CDH13: variants seen among roughly 807,000 people sequenced by gnomAD.
CDH13 encodes cadherin 13, also known as cadherin-13.
Under a neutral mutation model 63.8 loss-of-function variants are expected in CDH13, and 24 were observed. The ratio of observed to expected loss-of-function variants is 0.38; its 90% confidence interval spans 0.27 to 0.53. CDH13 has a LOEUF of 0.53. Among genes scored for constraint, CDH13 ranks in the 20% least tolerant of loss-of-function variants. CDH13 has a pLI of 0.85. For missense variants in CDH13, 1,049 were observed against 903.1 expected (o/e 1.16, Z -2.07); for synonymous variants, 503 against 355.3 (o/e 1.42, Z -4.67).
intron 5 of CDH13, among the ~76,000 whole-genome samples, chr16:83,266,714 C>T (rs1008734138): frequency 6.6e-6 from 1 of 152,174 alleles, no homozygotes; most frequent in Admixed American, 6.5e-5. Context: ...TGTTAAGGTT[C>T]ACAGCACAAC....
intron 5 of CDH13, among the ~76,000 whole-genome samples, chr16:83,299,290 A>C (rs1181291109): frequency 1.1e-3 from 9 of 7,896 alleles, no homozygotes; most frequent in African/African-American, 3.9e-3. Flanking sequence ...TTATCAGGCC[A>C]TGAAAAAAAA....
intron 1 of CDH13, among the ~76,000 whole-genome samples, chr16:82,658,138 T>C (rs1678787183): frequency 6.6e-6 from 1 of 152,222 alleles, no homozygotes; most frequent in Middle Eastern, 3.2e-3. Context: ...TGCCAAGTGC[T>C]TTTTCTGCAT....
intron 8 of CDH13, among the ~76,000 whole-genome samples, chr16:83,621,900 C>G (rs1844627364): frequency 6.6e-6 from 1 of 152,138 alleles, no homozygotes; most frequent in Non-Finnish European, 1.5e-5. Flanking sequence ...TCAAGTTACC[C>G]TCTGTCCCTC....
intron 1 of CDH13, among the ~76,000 whole-genome samples, chr16:82,642,086 G>T (rs1348295989): frequency 8.7e-6 from 1 of 115,310 alleles, no homozygotes; most frequent in Non-Finnish European, 1.8e-5. Flanking sequence ...ACAGCTCATG[G>T]AGGGCAAAAA....
intron 8 of CDH13, among the ~76,000 whole-genome samples, chr16:83,619,524 T>C (rs903012687): frequency 2.0e-5 from 3 of 152,154 alleles, no homozygotes; most frequent in Non-Finnish European, 4.4e-5. Context: ...ACTGGCAGGG[T>C]TGGTTCCTTT....
At position 82,674,098 on chromosome 16, in the gene CDH13, G is replaced by T. The variant is rs552706154; in HGVS notation, c.45+46961G>T. 1.8e-3 allele frequency among the ~76,000 whole-genome samples: 279 copies of T among 152,288 alleles called. 1 individual carries two copies. The highest frequency in any genetic ancestry group is 3.2e-3 in the Non-Finnish European group (215 of 68,028). ...CCCATTTAAGAACGTACATTTGAAGGTGCAGTCTTGAAATTCTTGATATGG... is the reference window on the plus strand; with the variant it reads ...CCCATTTAAGAACGTACATTTGAAGTTGCAGTCTTGAAATTCTTGATATGG... On this transcript the variant is annotated intron_variant, in intron 1 of 13. Coordinates refer to ENST00000567109, the MANE Select transcript of CDH13 (RefSeq NM_001257.5).
At chr16:83,513,471 C>A (rs1400712169) in intron 7 of CDH13, among the ~76,000 whole-genome samples, 1 of 151,382 alleles carries the variant, frequency 6.6e-6, no homozygotes, top group Non-Finnish European at 1.5e-5. Flanking sequence ...TTACCCTAGA[C>A]TGAATAATTT....
chr16:83,036,349 C>T (rs919253684), intron 3 of CDH13, among the ~76,000 whole-genome samples: 6 of 151,788 alleles, frequency 4.0e-5, no homozygotes, highest in Middle Eastern at 3.2e-3. Flanking sequence ...GGGATTTCAC[C>T]GTGTTGGCCA....
chr16:83,724,288 A>G (rs1443305524), intron 10 of CDH13, among the ~76,000 whole-genome samples: 2,159 of 71,056 alleles, frequency 0.03, no homozygotes, highest in African/African-American at 0.048. Context: ...ATGCATGGGT[A>G]GGTGATGAAT....
intron 6 of CDH13, among the ~76,000 whole-genome samples, chr16:83,370,724 T>C (rs1257895231): frequency 1.3e-5 from 2 of 152,234 alleles, no homozygotes; most frequent in African/African-American, 4.8e-5. Context: ...CATGTGGCAA[T>C]TGGTTTTCCA....
chr16:82,799,201 T>C (rs1488088946), intron 1 of CDH13, among the ~76,000 whole-genome samples: 1 of 152,210 alleles, frequency 6.6e-6, no homozygotes, highest in Non-Finnish European at 1.5e-5. Flanking sequence ...TGACGTTAGA[T>C]AGTGATCAAA....
At chr16:82,677,299 C>A (rs1914041187) in intron 1 of CDH13, among the ~76,000 whole-genome samples, 1 of 152,190 alleles carries the variant, frequency 6.6e-6, no homozygotes, top group Non-Finnish European at 1.5e-5. Flanking sequence ...CAGTCTAGAT[C>A]TGATACCCCT....
chr16:82,822,584 C>T (rs2038055039), intron 1 of CDH13, among the ~76,000 whole-genome samples: 1 of 152,162 alleles, frequency 6.6e-6, no homozygotes, highest in Non-Finnish European at 1.5e-5. Flanking sequence ...GTAGCCTTCA[C>T]CTTCTGCTCA....
At chr16:83,145,432 C>A (rs557495394) in intron 4 of CDH13, among the ~76,000 whole-genome samples, 4 of 152,164 alleles carry the variant, frequency 2.6e-5, no homozygotes, top group African/African-American at 7.2e-5. Flanking sequence ...AGTTACCATG[C>A]CAGAAGTGTT....
chr16:82,669,751 C>T (rs1269540248), intron 1 of CDH13, among the ~76,000 whole-genome samples: 1 of 152,136 alleles, frequency 6.6e-6, no homozygotes, highest in South Asian at 2.1e-4. Flanking sequence ...TGGACGGAAC[C>T]ATTTGCTCCC....
chr16:82,817,745 C>G (rs765713737), intron 1 of CDH13, among the ~76,000 whole-genome samples: 1 of 152,128 alleles, frequency 6.6e-6, no homozygotes, highest in Non-Finnish European at 1.5e-5. Flanking sequence ...GCAGAGGTTG[C>G]TGTAAGCCAC....
chr16:83,030,788 A>G (rs1169438957), intron 2 of CDH13, among the ~76,000 whole-genome samples: 1 of 151,992 alleles, frequency 6.6e-6, no homozygotes, highest in Admixed American at 6.6e-5. Flanking sequence ...AGAAAGCACC[A>G]TAACTTACTG....
At chr16:83,643,314 T>A (rs1410286718) in intron 8 of CDH13, among the ~76,000 whole-genome samples, 2 of 131,526 alleles carry the variant, frequency 1.5e-5, no homozygotes, top group South Asian at 2.5e-4. Context: ...AAAAAAAAAT[T>A]TAACAGATCT....
chr16:82,690,734 A>T (rs562368653), intron 1 of CDH13, among the ~76,000 whole-genome samples: 22 of 152,370 alleles, frequency 1.4e-4, no homozygotes, highest in Admixed American at 1.1e-3. Flanking sequence ...CATGGTAGAT[A>T]TCCTTATGCA....
Sources: allele counts gnomAD v4.1 joint callset (sites outside exome capture counted in the v4.1 genomes callset), GRCh38; gene constraint gnomAD v4.1.1; transcripts MANE v1.5; gene names NCBI Gene and HGNC (gene_info 2026-07-23, HGNC 2026-07-21).